USP34: variants seen among roughly 807,000 people sequenced by gnomAD.
USP34 encodes ubiquitin specific peptidase 34.
USP34 carries 70 observed loss-of-function variants against 460.3 expected under a neutral mutation model. The ratio of observed to expected loss-of-function variants is 0.15; its 90% CI spans 0.13 to 0.19. The LOEUF (loss-of-function observed/expected upper bound fraction) is 0.19. Among genes scored for constraint, USP34 ranks in the 10% least tolerant of loss-of-function variants. The pLI is 1.00. For synonymous variants in USP34, 1,647 were observed against 1,405.3 expected, an observed-to-expected ratio of 1.17 and a Z score of -3.85; for missense variants, 3,985 against 4,236.2, an observed-to-expected ratio of 0.94 and a Z score of 1.65.
chr2:61,306,117 T>C (rs2103656545), intron 27 of USP34, among the ~76,000 whole-genome samples: 1 of 152,320 alleles, frequency 6.6e-6, no homozygotes, highest in Non-Finnish European at 1.5e-5. Context: ...TTGTTGCCAT[T>C]GCTTTTGGTG....
rs1388836785 is a variant in USP34, at chr2:61,470,911, AG to A, written c.-220del. ...AGGGGGAGAGGAGGGGAGCGAGGGGAGGTGCGCAGGCCGGAGGGGCGCCGAG... is the reference window on the plus strand; with the variant it reads ...AGGGGGAGAGGAGGGGAGCGAGGGGAGTGCGCAGGCCGGAGGGGCGCCGAG... On this transcript the variant is annotated 5_prime_UTR_variant, in exon 1 of 80. Coordinates refer to ENST00000398571, the MANE Select transcript of USP34 (RefSeq NM_014709.4). 1 of 134,088 alleles carries A rather than the reference AG, an allele frequency of 7.5e-6. No individual in the cohort carries two copies. The highest frequency in any genetic ancestry group is 3.1e-5 in the African/African-American group (1 of 32,202). The allele number at this position is 134,088 out of a possible 1,614,324, so 8.3% of individuals were successfully genotyped here.
rs189531379 is a variant in USP34, at chr2:61,320,009, A to C, written c.3014-682T>G. 1.1e-3 allele frequency among the ~76,000 whole-genome samples: 171 copies of C among 152,294 alleles called. 6 individuals carry two copies. Among genetic ancestry groups the C allele is most frequent in the Admixed American group, 9.9e-3 (152 of 15,298 alleles). ...TGGCGAATCGGTGGTGGTAGATGAAATCAAGGACTAAATGGTTACAAATTA... is the reference window on the plus strand; with the variant it reads ...TGGCGAATCGGTGGTGGTAGATGAACTCAAGGACTAAATGGTTACAAATTA... On this transcript the variant is annotated intron_variant, in intron 21 of 79. Coordinates refer to ENST00000398571, the MANE Select transcript of USP34 (RefSeq NM_014709.4).
At position 61,370,422 on chromosome 2, in the gene USP34, G is replaced by A. The variant is rs763862792; in HGVS notation, c.1159-9C>T. The A allele has an allele frequency of 2.5e-5, 41 of 1,613,438 alleles. No individual in the cohort carries two copies. Among genetic ancestry groups the A allele is most frequent in the Non-Finnish European group, 3.3e-5 (39 of 1,179,860 alleles). ...TGGCACTGTTTGATAATCTGGAAAA[G>A]AAAAACTTAATATCAATTTTTAAAA... is the stretch of plus-strand genomic sequence containing the variant. On this transcript the variant is annotated splice_polypyrimidine_tract_variant and intron_variant, in intron 9 of 79. Transcript: ENST00000398571.
At position 61,283,622 on chromosome 2, in the gene USP34, T is replaced by C. The variant is rs562342255; in HGVS notation, c.4833-173A>G. Among the ~76,000 whole-genome samples the C allele has an allele frequency of 9.2e-5, 14 of 151,856 alleles. No homozygotes were observed. The South Asian group carries it at 2.7e-3, about 29-fold the overall frequency. On this transcript the variant is annotated intron_variant, in intron 35 of 79. Transcript: ENST00000398571. ...GAGAGAGAGTGTGAGTGTGTGTGTGTTTTAAAAGACAGGAGACAGGGTCTC... is the reference window on the plus strand; with the variant it reads ...GAGAGAGAGTGTGAGTGTGTGTGTGCTTTAAAAGACAGGAGACAGGGTCTC...
Position 61,189,027 on chromosome 2 carries a change from T to G in USP34, c.9916A>C (p.Lys3306Gln). 6.2e-7 allele frequency: 1 copy of G among 1,614,228 alleles called. No homozygotes were observed. Among genetic ancestry groups the G allele is most frequent in the Non-Finnish European group, 8.5e-7 (1 of 1,180,038 alleles). ...GGAATTAGAGCTGGGTTTAACTGTTTGGGAGTGTGTACTGACAGGAGCAAA... is the reference window on the plus strand; with the variant it reads ...GGAATTAGAGCTGGGTTTAACTGTTGGGGAGTGTGTACTGACAGGAGCAAA... ...LALLLSVHTP[K>Q]QLNPALIPTL... The change falls in exon 79 of 80, where the codon AAA becomes CAA. Residue 3306 changes from lysine to glutamine, a missense_variant. Physicochemically the swap from Lys to Gln is moderately conservative, Grantham distance 53 (BLOSUM62 1). This residue lies in a region of USP34 where 506 missense variants were observed against 439.0 expected (regional missense o/e 1.15). Coordinates refer to ENST00000398571, the MANE Select transcript of USP34 (RefSeq NM_014709.4).
At chr2:61,197,333 A>G (rs1686838679) in intron 75 of USP34, among the ~76,000 whole-genome samples, 2 of 152,086 alleles carry the variant, frequency 1.3e-5, no homozygotes, top group African/African-American at 4.8e-5. Context: ...ATTATATTAA[A>G]TTTTCTCATC....
chr2:61,357,260 G>A (rs1692135594), intron 10 of USP34, among the ~76,000 whole-genome samples: 1 of 152,164 alleles, frequency 6.6e-6, no homozygotes, highest in Admixed American at 6.5e-5. Context: ...ACAGCAGGAA[G>A]AAGCTGAAAA....
chr2:61,380,222 A>G lies in USP34; in HGVS notation c.961T>C (p.Tyr321His). The change falls in exon 7 of 80, where the codon TAC becomes CAC. Residue 321 changes from tyrosine to histidine, a missense_variant. Tyr to His is a moderately conservative substitution (Grantham distance 83). Around this residue, in one of 14 missense-constraint regions of USP34, gnomAD observed 70 missense variants for 109.5 expected, o/e 0.64. Coordinates refer to ENST00000398571, the MANE Select transcript of USP34 (RefSeq NM_014709.4). ...DKESLDLAFK[Y>H]FMSPTLTMRL... ...ATAGTCAAAGTAGGTGACATAAAGT[A>G]CTTAAATGCAAGATCTAGGCTTTCT... 6.2e-7 allele frequency: 1 copy of G among 1,614,170 alleles called. No individual in the cohort carries two copies. Among genetic ancestry groups the G allele is most frequent in the Non-Finnish European group, 8.5e-7 (1 of 1,180,010 alleles).
intron 44 of USP34, among the ~76,000 whole-genome samples, chr2:61,259,077 T>C (rs1688801608): frequency 6.6e-6 from 1 of 151,898 alleles, no homozygotes; most frequent in Non-Finnish European, 1.5e-5. Flanking sequence ...CTGGCCAACA[T>C]GGTGAAAGCT....
At chr2:61,387,687 T>C (rs899335577) in intron 5 of USP34, among the ~76,000 whole-genome samples, 5 of 143,706 alleles carry the variant, frequency 3.5e-5, no homozygotes, top group African/African-American at 1.2e-4. Flanking sequence ...AAATATATTT[T>C]TACATATACA....
chr2:61,269,728 T>A (rs1689156998), intron 41 of USP34, among the ~76,000 whole-genome samples: 1 of 152,180 alleles, frequency 6.6e-6, no homozygotes, highest in Non-Finnish European at 1.5e-5. Flanking sequence ...TTTGTTAATG[T>A]ACATCCTTGA....
At chr2:61,265,767 C>G (rs961645041) in intron 42 of USP34, 1 of 681,686 alleles carries the variant, frequency 1.5e-6, no homozygotes, top group Non-Finnish European at 2.1e-6. Flanking sequence ...TTTACTTGGC[C>G]CCAAATTACT....
chr2:61,298,364 C>CAAA lies in USP34; in HGVS notation c.4129-1442_4129-1440dup, dbSNP rs11417017. On this transcript the variant is annotated intron_variant, in intron 29 of 79. Transcript: ENST00000398571. The stretch of plus-strand genomic sequence containing the variant: ...GTGAAACCCTGTCTCTACAAAAATA[C>CAAA]AAAAAAAAAAAAAAAAAAAAAAAAC... 5.5e-3 allele frequency among the ~76,000 whole-genome samples: 264 copies of CAAA among 48,028 alleles called. 8 individuals carry two copies. The highest frequency in any genetic ancestry group is 0.032 in the Middle Eastern group (2 of 62). The allele number at this position is 48,028 out of a possible 152,430, so 31.5% of individuals were successfully genotyped here.
chr2:61,289,610 A>G (rs926627152), intron 33 of USP34, among the ~76,000 whole-genome samples: 1 of 152,110 alleles, frequency 6.6e-6, no homozygotes. Flanking sequence ...CAAACATACC[A>G]GAAAGAAATG....
chr2:61,352,171 A>C (rs2103788508), intron 10 of USP34, among the ~76,000 whole-genome samples: 1 of 152,238 alleles, frequency 6.6e-6, no homozygotes, highest in South Asian at 2.1e-4. Flanking sequence ...CAGATCTCAA[A>C]CTTTGTAGCA....
intron 1 of USP34, among the ~76,000 whole-genome samples, chr2:61,435,131 C>G (rs916172263): frequency 6.6e-6 from 1 of 151,342 alleles, no homozygotes; most frequent in African/African-American, 2.4e-5. Flanking sequence ...TGGTGAGACC[C>G]CATCTCTACA....
intron 42 of USP34, 125 bp from the exon 43 acceptor site, chr2:61,265,682 G>T: frequency 2.5e-6 from 2 of 811,794 alleles, no homozygotes; most frequent in African/African-American, 1.9e-5. Context: ...ACATTATATA[G>T]AATTTTTTAA....
intron 1 of USP34, among the ~76,000 whole-genome samples, chr2:61,438,227 T>C (rs1694869753): frequency 6.6e-6 from 1 of 152,112 alleles, no homozygotes; most frequent in Non-Finnish European, 1.5e-5. Context: ...TCATACATCT[T>C]AGCAATAGAA....
intron 41 of USP34, among the ~76,000 whole-genome samples, chr2:61,270,560 C>T (rs961564548): frequency 1.3e-5 from 2 of 152,154 alleles, no homozygotes; most frequent in Non-Finnish European, 2.9e-5. Context: ...CTCAGCCTCC[C>T]GAGTAGCTGT....
Sources: gnomAD v4.1 joint callset for allele counts (sites outside exome capture counted in the v4.1 genomes callset) on GRCh38, gnomAD v4.1.1 for gene constraint, gnomAD v4.1.1 regional missense constraint, MANE v1.5 for transcripts, NCBI Gene and HGNC (gene_info 2026-07-23, HGNC 2026-07-21) for gene names.